DMD: variants seen among roughly 807,000 people sequenced by gnomAD.
The protein encoded by DMD is dystrophin.
Under a neutral mutation model 330.1 loss-of-function variants are expected in DMD, and 63 were observed. The observed-to-expected ratio is 0.19, with a 90% CI of 0.16 to 0.24. DMD has a LOEUF of 0.24. Among genes scored for constraint, DMD ranks in the 10% least tolerant of loss-of-function variants. The probability of loss-of-function intolerance (pLI) is 1.00; values close to 1 mark genes in which losing one functional copy is unlikely to be tolerated. For missense variants in DMD, 3,344 were observed against 2,684.1 expected (o/e 1.25, Z -5.43); for synonymous variants, 1,223 against 959.8 (o/e 1.27, Z -5.07).
intron 51 of DMD, among the ~76,000 whole-genome samples, chrX:31,751,736 G>A (rs1453955931): frequency 8.9e-6 from 1 of 112,034 alleles, no homozygotes; most frequent in African/African-American, 3.2e-5. Flanking sequence ...TATTAAAATT[G>A]TGCAAAGTTA....
rs2051659681 is a variant in DMD at position 32,565,966 on chromosome X, C to T, written c.1813-85G>A. The T allele has an allele frequency of 4.7e-6, 4 of 854,459 alleles. No homozygotes were observed. The South Asian group carries it at 8.6e-5, about 18-fold the overall frequency. 70.4% of individuals were successfully genotyped at this position (854,459 alleles called of 1,213,427 possible). A position where few individuals can be genotyped will look rare whatever the true frequency, so the allele number is the denominator to read the frequency against. On this transcript the variant is annotated intron_variant, in intron 15 of 78. Transcript: ENST00000357033. ...TTCAATCTGCTTTTGCGTGTATTTG[C>T]TCATTTGCATAGATAAGAAAATATT...
intron 60 of DMD, among the ~76,000 whole-genome samples, chrX:31,404,342 A>G (rs1294623946): frequency 1.8e-5 from 2 of 111,809 alleles, no homozygotes; most frequent in Non-Finnish European, 3.8e-5. Flanking sequence ...CAACTCTGAC[A>G]TGGCAAGCTG....
chrX:31,129,508 C>T (rs999761313), intron 77 of DMD, among the ~76,000 whole-genome samples: 3 of 111,819 alleles, frequency 2.7e-5, no homozygotes, highest in Admixed American at 1.9e-4. Context: ...AAATTTTCCC[C>T]ATAAAGGGCC....
chrX:32,857,174 C>T (rs2081642990), intron 2 of DMD, among the ~76,000 whole-genome samples: 1 of 111,989 alleles, frequency 8.9e-6, no homozygotes, highest in Non-Finnish European at 1.9e-5. Flanking sequence ...GATTATGCTT[C>T]GCATGCCTGT....
intron 63 of DMD, among the ~76,000 whole-genome samples, chrX:31,253,932 A>C (rs1170865482): frequency 3.6e-5 from 4 of 112,234 alleles, no homozygotes; most frequent in African/African-American, 1.3e-4. Flanking sequence ...CTTTCGCATC[A>C]TTCAGGTGAG....
In DMD at chrX:33,095,700, G is replaced by A. The variant is rs1239845735; in HGVS notation, c.32-75500C>T. Among the ~76,000 whole-genome samples the A allele has an allele frequency of 2.7e-5, 3 of 111,437 alleles. No homozygotes were observed. The Admixed American group carries it at 2.9e-4, about 11-fold the overall frequency. ...ATTTTAAATTTGCCTCATTTCAGAAGTTTTGTCTTCTTATATTCAAAGGAG... is the reference window on the plus strand; with the variant it reads ...ATTTTAAATTTGCCTCATTTCAGAAATTTTGTCTTCTTATATTCAAAGGAG... On this transcript the variant is annotated intron_variant, in intron 1 of 78. Transcript: ENST00000357033.
intron 49 of DMD, among the ~76,000 whole-genome samples, chrX:31,832,639 T>C (rs1387589332): frequency 8.9e-6 from 1 of 112,513 alleles, no homozygotes; most frequent in East Asian, 2.8e-4. Flanking sequence ...TTCTGTTACA[T>C]TGAAAAATAA....
rs192278906 is a variant in DMD at position 32,830,495 on chromosome X, G to A, written c.265-7108C>T. Among the ~76,000 whole-genome samples, 282 of 111,589 alleles carry A rather than the reference G, an allele frequency of 2.5e-3. 2 individuals carry two copies. Among genetic ancestry groups the A allele is most frequent in the African/African-American group, 8.9e-3 (274 of 30,800 alleles). ...CGAGCCTACTGTGTGTATCAGTGTT[G>A]TGACAAGCACTCTATGGTTGGAAAT... On this transcript the variant is annotated intron_variant, in intron 4 of 78. Coordinates refer to ENST00000357033, the MANE Select transcript of DMD (RefSeq NM_004006.3).
chrX:32,225,540 G>A (rs2097144831), intron 43 of DMD, among the ~76,000 whole-genome samples: 1 of 111,436 alleles, frequency 9.0e-6, no homozygotes, highest in South Asian at 3.8e-4. Flanking sequence ...ATTTGGATCT[G>A]TGTCCCCACC....
At chrX:32,795,172 C>A (rs762987439) in intron 7 of DMD, among the ~76,000 whole-genome samples, 226 of 109,544 alleles carry the variant, frequency 2.1e-3, no homozygotes, top group Non-Finnish European at 3.2e-3. Flanking sequence ...CAAAGACCAG[C>A]AGAGAGCCTG....
Position 33,211,274 on chromosome X carries a change from G to A in DMD, c.31+8C>T, listed in dbSNP as rs758445699. ...AGTAAAATATATTTTTAGTTACTTT[G>A]TACTTACAACAGTCCTCTACTTCTT... On this transcript the variant is annotated splice_region_variant and intron_variant, in intron 1 of 78. Transcript: ENST00000357033. 7 of 1,207,272 alleles carry A rather than the reference G, an allele frequency of 5.8e-6. No individual in the cohort carries two copies. Among genetic ancestry groups the A allele is most frequent in the Non-Finnish European group, 7.8e-6 (7 of 893,125 alleles).
At position 32,767,151 on chromosome X, in the gene DMD, G is replaced by A. The variant is rs570913260; in HGVS notation, c.649+42342C>T. On this transcript the variant is annotated intron_variant, in intron 7 of 78. Coordinates refer to ENST00000357033, the MANE Select transcript of DMD (RefSeq NM_004006.3). The stretch of plus-strand genomic sequence containing the variant: ...TAATTTCATATTAACAGAAGCTAAA[G>A]GCACCTAGTATTTTTTGAGGCTCAT... 3.4e-3 allele frequency among the ~76,000 whole-genome samples: 376 copies of A among 111,372 alleles called. 2 individuals carry two copies. The highest frequency in any genetic ancestry group is 0.028 in the Middle Eastern group (6 of 214).
At position 32,070,937 on chromosome X, in the gene DMD, A is replaced by C. The variant is rs190208521; in HGVS notation, c.6439-102423T>G. Among the ~76,000 whole-genome samples the C allele has an allele frequency of 7.1e-3, 791 of 111,395 alleles. 4 individuals carry two copies. Among genetic ancestry groups the C allele is most frequent in the Non-Finnish European group, 0.011 (593 of 53,082 alleles). On this transcript the variant is annotated intron_variant, in intron 44 of 78. Coordinates refer to ENST00000357033, the MANE Select transcript of DMD (RefSeq NM_004006.3). ...CACTAAAGAACTTACTCATTGCAAT[A>C]GTTTGCTGAGAATGATGGTTTCCAG...
chrX:32,644,487 GA>G (rs1479031352), intron 10 of DMD, among the ~76,000 whole-genome samples, 174 bp from the exon 11 acceptor site: 13 of 110,744 alleles, frequency 1.2e-4, no homozygotes, highest in Non-Finnish European at 2.5e-4. Flanking sequence ...ATGAATTAAG[GA>G]AAATTATCTT....
At chrX:33,052,967 C>A (rs947981153) in intron 1 of DMD, among the ~76,000 whole-genome samples, 1 of 111,776 alleles carries the variant, frequency 8.9e-6, no homozygotes, top group Non-Finnish European at 1.9e-5. Context: ...AAAAAATTAT[C>A]TTTTAAGTTA....
intron 2 of DMD, among the ~76,000 whole-genome samples, chrX:33,005,275 AACACAC>A (rs376666672): frequency 6.2e-4 from 64 of 102,647 alleles, no homozygotes; most frequent in African/African-American, 2.0e-3. Context: ...CACACACACA[AACACAC>A]ACACACACAC....
At chrX:33,107,773 A>C (rs908633733) in intron 1 of DMD, among the ~76,000 whole-genome samples, 16 of 111,919 alleles carry the variant, frequency 1.4e-4, no homozygotes, top group Admixed American at 9.5e-4. Context: ...TTCAGCAAAA[A>C]AATAGAATTA....
intron 43 of DMD, among the ~76,000 whole-genome samples, chrX:32,241,600 G>GT (rs1242598090): frequency 2.7e-5 from 3 of 112,103 alleles, no homozygotes; most frequent in African/African-American, 9.7e-5. Context: ...GGCTTCCACT[G>GT]TTGTTTTGTG....
intron 52 of DMD, among the ~76,000 whole-genome samples, chrX:31,695,768 C>A (rs1028036988): frequency 9.1e-6 from 1 of 110,268 alleles, no homozygotes; most frequent in African/African-American, 3.3e-5. Flanking sequence ...TCAAAAGCTG[C>A]AGTGGTGGGT....
Sources: allele counts gnomAD v4.1 joint callset (sites outside exome capture counted in the v4.1 genomes callset), GRCh38; gene constraint gnomAD v4.1.1; transcripts MANE v1.5; gene names NCBI Gene and HGNC (gene_info 2026-07-23, HGNC 2026-07-21).